Variants in SPAG16 observed in about 807,000 individuals in gnomAD.
SPAG16 encodes the protein sperm-associated antigen 16 protein.
Under a neutral mutation model 80.4 loss-of-function variants are expected in SPAG16, and 86 were observed. The observed-to-expected ratio is 1.07, with a 90% CI of 0.90 to 1.28. The LOEUF (loss-of-function observed/expected upper bound fraction) is 1.28. Among genes scored for constraint, SPAG16 ranks in the 50% most tolerant of loss-of-function variants. SPAG16 has a pLI of 0.00. For synonymous variants in SPAG16, 294 were observed against 265.9 expected, an observed-to-expected ratio of 1.11 and a Z score of -1.03; for missense variants, 870 against 765.3, an observed-to-expected ratio of 1.14 and a Z score of -1.61.
chr2:214,301,144 C>G (rs2125953749), intron 15 of SPAG16, among the ~76,000 whole-genome samples: 1 of 150,070 alleles, frequency 6.7e-6, no homozygotes. Context: ...TGCAGGGATC[C>G]AAAAATAATT....
chr2:213,990,606 T>C lies in SPAG16; in HGVS notation c.1401-23345T>C, dbSNP rs188392677. Among the ~76,000 whole-genome samples, 558 of 152,220 alleles carry C rather than the reference T, an allele frequency of 3.7e-3. 4 individuals carry two copies. The highest frequency in any genetic ancestry group is 0.013 in the African/African-American group (529 of 41,536). On this transcript the variant is annotated intron_variant, in intron 12 of 15. Transcript: ENST00000331683. The stretch of plus-strand genomic sequence containing the variant: ...AGAAAATTATAAGGAAGAGACAATA[T>C]ATTTACTATTCATTAAGTGGAAGGG...
chr2:213,320,804 T>G (rs1425717633), intron 5 of SPAG16, among the ~76,000 whole-genome samples: 1 of 152,088 alleles, frequency 6.6e-6, no homozygotes, highest in African/African-American at 2.4e-5. Flanking sequence ...ACATTTGATT[T>G]ATTTATTCTT....
chr2:214,149,090 T>C (rs908325298), intron 14 of SPAG16, 50 bp from the exon 15 acceptor site: 12 of 616,836 alleles, frequency 1.9e-5, no homozygotes, highest in African/African-American at 1.8e-4. Context: ...TATATATATA[T>C]ATATATACAT....
At chr2:213,522,743 G>C (rs1414908350) in intron 10 of SPAG16, among the ~76,000 whole-genome samples, 1 of 151,618 alleles carries the variant, frequency 6.6e-6, no homozygotes, top group Non-Finnish European at 1.5e-5. Flanking sequence ...TAGTTTGAGA[G>C]AGATCTGTAA....
chr2:213,594,136 G>T (rs145015100), intron 10 of SPAG16, among the ~76,000 whole-genome samples: 3 of 152,044 alleles, frequency 2.0e-5, no homozygotes, highest in African/African-American at 7.2e-5. Context: ...ATTTTTCAAT[G>T]CATCACATTC....
intron 9 of SPAG16, among the ~76,000 whole-genome samples, chr2:213,396,857 T>A (rs932281432): frequency 6.6e-6 from 1 of 152,202 alleles, no homozygotes; most frequent in East Asian, 1.9e-4. Flanking sequence ...TTCCAGTTAA[T>A]CATTTATCCC....
intron 15 of SPAG16, among the ~76,000 whole-genome samples, chr2:214,400,488 C>T (rs1701644893): frequency 6.6e-6 from 1 of 151,852 alleles, no homozygotes; most frequent in Non-Finnish European, 1.5e-5. Flanking sequence ...TTAAAGTACA[C>T]AGGAGGATAC....
chr2:214,303,197 T>G (rs182465741), intron 15 of SPAG16, among the ~76,000 whole-genome samples: 15 of 152,352 alleles, frequency 9.8e-5, no homozygotes, highest in Non-Finnish European at 2.1e-4. Flanking sequence ...TAGTCTCAAT[T>G]GTGTAACTGC....
chr2:213,961,628 G>C (rs2044431392), intron 12 of SPAG16, among the ~76,000 whole-genome samples: 1 of 149,074 alleles, frequency 6.7e-6, no homozygotes, highest in Non-Finnish European at 1.5e-5. Flanking sequence ...GTTTTTTCAG[G>C]GTCAATTAAA....
At chr2:213,960,842 G>A (rs2044378970) in intron 12 of SPAG16, among the ~76,000 whole-genome samples, 1 of 152,178 alleles carries the variant, frequency 6.6e-6, no homozygotes, top group African/African-American at 2.4e-5. Flanking sequence ...GGGAGCGCTT[G>A]CAATAATGCG....
intron 10 of SPAG16, among the ~76,000 whole-genome samples, chr2:213,563,277 T>A (rs1265128991): frequency 1.3e-5 from 2 of 152,220 alleles, no homozygotes; most frequent in Admixed American, 6.5e-5. Context: ...ATGCCATATA[T>A]CTTCTGGAAT....
At chr2:214,028,372 C>G (rs745845031) in intron 13 of SPAG16, among the ~76,000 whole-genome samples, 7 of 151,992 alleles carry the variant, frequency 4.6e-5, no homozygotes, top group Admixed American at 4.6e-4. Flanking sequence ...GATGATGGAG[C>G]CTTTTCACAA....
intron 1 of SPAG16, among the ~76,000 whole-genome samples, chr2:213,289,136 A>C (rs1014865797): frequency 6.6e-6 from 1 of 152,228 alleles, no homozygotes; most frequent in Admixed American, 6.5e-5. Flanking sequence ...GAGATTCTGC[A>C]TTGCTAAGAA....
At chr2:213,323,175 T>C (rs1371422047) in intron 5 of SPAG16, among the ~76,000 whole-genome samples, 1 of 152,224 alleles carries the variant, frequency 6.6e-6, no homozygotes, top group Non-Finnish European at 1.5e-5. Context: ...GCGCGGTGGC[T>C]TACGCCTGTA....
chr2:213,454,549 CCAAATTAATATCATA>C (rs2071884799), intron 9 of SPAG16, among the ~76,000 whole-genome samples: 1 of 152,078 alleles, frequency 6.6e-6, no homozygotes, highest in Non-Finnish European at 1.5e-5. Context: ...TGTCAGATTT[CCAAATTAATATCATA>C]GATTGACTTC....
intron 10 of SPAG16, among the ~76,000 whole-genome samples, chr2:213,688,533 G>A (rs971374341): frequency 6.6e-6 from 1 of 152,102 alleles, no homozygotes; most frequent in African/African-American, 2.4e-5. Flanking sequence ...GTAATGTTAT[G>A]CCAGAGTCAG....
intron 15 of SPAG16, among the ~76,000 whole-genome samples, chr2:214,159,645 C>A (rs2056357199): frequency 1.3e-5 from 2 of 151,888 alleles, no homozygotes; most frequent in South Asian, 4.1e-4. Context: ...TTACTCAAAT[C>A]TGATTGAACT....
intron 14 of SPAG16, among the ~76,000 whole-genome samples, chr2:214,125,999 TTTCCTTCCTTCCTTCC>T (rs869163622): frequency 0.037 from 3,403 of 91,540 alleles, 161 homozygotes; most frequent in Middle Eastern, 0.057. Flanking sequence ...TCCTTCCTTC[TTTCCTTCCTTCCTTCC>T]TTCCTTCCTT....
At chr2:213,334,033 AC>A (rs1279834554) in intron 5 of SPAG16, among the ~76,000 whole-genome samples, 1 of 152,164 alleles carries the variant, frequency 6.6e-6, no homozygotes, top group Non-Finnish European at 1.5e-5. Context: ...GAAGAGACAA[AC>A]CCATAGAATG....
Sources: allele counts gnomAD v4.1 joint callset (sites outside exome capture counted in the v4.1 genomes callset), GRCh38; gene constraint gnomAD v4.1.1; transcripts MANE v1.5; gene names NCBI Gene and HGNC (gene_info 2026-07-23, HGNC 2026-07-21).